The following SYNE2 variants were observed in gnomAD, a reference collection of about 807,000 sequenced individuals.
SYNE2 encodes the protein nesprin-2.
In SYNE2, 431 loss-of-function variants were observed where a neutral mutation model predicts 856.3. The observed-to-expected ratio is 0.50, with a 90% CI of 0.47 to 0.55. The LOEUF (loss-of-function observed/expected upper bound fraction) is 0.55, where lower values mean the gene tolerates loss of function less well. Among genes scored for constraint, SYNE2 ranks in the 20% least tolerant of loss-of-function variants. The pLI, the probability that SYNE2 is intolerant of heterozygous loss-of-function variation, is 0.00. For synonymous variants in SYNE2, 2,923 were observed against 2,872.3 expected (o/e 1.02, Z -0.56); for missense variants, 8,129 against 8,023.2 (o/e 1.01, Z -0.50).
chr14:64,067,488 A>G (rs1303175599), intron 51 of SYNE2, among the ~76,000 whole-genome samples: 2 of 152,180 alleles, frequency 1.3e-5, no homozygotes, highest in African/African-American at 4.8e-5. Flanking sequence ...TGTAGCTTTT[A>G]TCCATTCAAT....
intron 1 of SYNE2, among the ~76,000 whole-genome samples, chr14:63,793,769 C>CCCCA (rs1722499290): frequency 7.1e-6 from 1 of 140,186 alleles, no homozygotes; most frequent in African/African-American, 2.5e-5. Flanking sequence ...AGGCCCCCCC[C>CCCCA]CAACTAAAAA....
In SYNE2 at chr14:64,051,842, A is replaced by G. The variant is rs774344512; in HGVS notation, c.7929A>G (p.Gln2643=). The G allele has an allele frequency of 6.2e-7, 1 of 1,614,128 alleles. No homozygotes were observed. The highest frequency in any genetic ancestry group is 2.2e-5 in the East Asian group (1 of 44,884). The change falls in exon 48 of 116, where the codon CAA becomes CAG. Residue 2643 remains glutamine, a synonymous_variant. Coordinates refer to ENST00000555002, the MANE Select transcript of SYNE2 (RefSeq NM_182914.3). ...NKVQDTEISL[Q]QQQQHLQLRL... ...TACAGGACACTGAGATTTCTCTGCA[A>G]CAGCAGCAGCAACATCTACAGTTAA...
chr14:63,931,983 G>A (rs894981351), intron 2 of SYNE2, among the ~76,000 whole-genome samples: 4 of 152,154 alleles, frequency 2.6e-5, no homozygotes, highest in African/African-American at 7.2e-5. Flanking sequence ...ATTTTTGTAA[G>A]CATTACAGAT....
At chr14:63,950,530 G>C (rs1350036514) in intron 7 of SYNE2, among the ~76,000 whole-genome samples, 1 of 152,056 alleles carries the variant, frequency 6.6e-6, no homozygotes, top group Non-Finnish European at 1.5e-5. Flanking sequence ...ACTCCAGCCT[G>C]GGCAACAAGA....
intron 32 of SYNE2, among the ~76,000 whole-genome samples, chr14:64,015,083 A>G (rs958115439): frequency 2.1e-5 from 3 of 146,322 alleles, no homozygotes; most frequent in African/African-American, 5.1e-5. Flanking sequence ...ATGTATATAT[A>G]TATAACGTGT....
intron 1 of SYNE2, among the ~76,000 whole-genome samples, chr14:63,856,476 G>A (rs1193465059): frequency 6.6e-6 from 1 of 152,320 alleles, no homozygotes; most frequent in African/African-American, 2.4e-5. Flanking sequence ...GTGCTCCTGG[G>A]GGCTGTGGGA....
intron 1 of SYNE2, among the ~76,000 whole-genome samples, chr14:63,764,407 C>G (rs12890867): frequency 1.3e-5 from 2 of 151,982 alleles, no homozygotes; most frequent in Non-Finnish European, 2.9e-5. Context: ...CAATGGCTCA[C>G]GCCTATAATC....
intron 64 of SYNE2, among the ~76,000 whole-genome samples, chr14:64,106,980 T>C (rs1303844369): frequency 6.6e-6 from 1 of 152,214 alleles, no homozygotes; most frequent in Non-Finnish European, 1.5e-5. Flanking sequence ...AATTCACCTT[T>C]TCCCCACTCT....
intron 101 of SYNE2, 147 bp from the exon 102 acceptor site, chr14:64,209,279 GCA>G: frequency 7.6e-7 from 1 of 1,324,096 alleles, no homozygotes; most frequent in Non-Finnish European, 1.1e-6. Flanking sequence ...GGCAGGAGGA[GCA>G]CAGACAAGAA....
intron 54 of SYNE2, among the ~76,000 whole-genome samples, chr14:64,076,357 TATA>T (rs1441061596): frequency 6.6e-6 from 1 of 152,208 alleles, no homozygotes; most frequent in African/African-American, 2.4e-5. Flanking sequence ...AATACAGTTA[TATA>T]ATATTTTTTA....
intron 1 of SYNE2, among the ~76,000 whole-genome samples, chr14:63,875,341 A>C (rs2094690613): frequency 1.3e-5 from 2 of 152,218 alleles, no homozygotes; most frequent in Admixed American, 1.3e-4. Flanking sequence ...AGCTAACAGA[A>C]TGGCCCTTCC....
chr14:63,960,618 T>C (rs2096298363), intron 8 of SYNE2: 1 of 591,950 alleles, frequency 1.7e-6, no homozygotes, highest in Non-Finnish European at 3.1e-6. Context: ...GTTTTTTTTT[T>C]TCCAATAATC....
rs190306408 is a variant in SYNE2, at chr14:63,939,138, T to C, written c.80-1476T>C. ...CTGTGCTTATCTCTGCCCATCCAGG[T>C]GAGGAGATGTGGGGAGATGGAAGCT... On this transcript the variant is annotated intron_variant, in intron 2 of 115. Transcript: ENST00000555002. Among the ~76,000 whole-genome samples, 23 of 152,054 alleles carry C rather than the reference T, an allele frequency of 1.5e-4. No homozygotes were observed. The East Asian group carries it at 3.9e-3, about 26-fold the overall frequency.
intron 61 of SYNE2, among the ~76,000 whole-genome samples, chr14:64,096,330 A>G (rs1054955299): frequency 1.3e-5 from 2 of 152,206 alleles, no homozygotes; most frequent in African/African-American, 4.8e-5. Flanking sequence ...CGGTAGTTTT[A>G]CCCACCATTG....
At chr14:64,134,422 C>T (rs1194894968) in intron 78 of SYNE2, among the ~76,000 whole-genome samples, 2 of 152,126 alleles carry the variant, frequency 1.3e-5, no homozygotes. Context: ...TGAGTCGTGG[C>T]TCCATCACTT....
Position 64,002,776 on chromosome 14 carries a change from A to G in SYNE2, c.3843A>G (p.Pro1281=). The G allele has an allele frequency of 6.2e-7, 1 of 1,614,060 alleles. No homozygotes were observed. The highest frequency in any genetic ancestry group is 1.3e-5 in the African/African-American group (1 of 75,052). ...AAATATGTAACCGCTTAGAAGAGCC[A>G]GGCAACTTTGTATTAAAGGAGTTAC... The part of the protein sequence containing the change: ...QIEICNRLEE[P]GNFVLKELHP... The change falls in exon 30 of 116, where the codon CCA becomes CCG. Residue 1281 remains proline (P), a synonymous_variant. Transcript: ENST00000555002.
In SYNE2 at chr14:64,080,649, G is replaced by A; in HGVS notation, c.11346+11G>A. ...TCACAGTTGAATAAGGTATGGCTGT[G>A]ACTCGTAATAGCTTCATATCATGTG... On this transcript the variant is annotated intron_variant, in intron 56 of 115. Transcript: ENST00000555002. The A allele has an allele frequency of 6.2e-7, 1 of 1,613,690 alleles. No individual in the cohort carries two copies. The highest frequency in any genetic ancestry group is 1.7e-5 in the Admixed American group (1 of 60,030).
At chr14:63,842,768 A>C (rs1290560407) in intron 1 of SYNE2, among the ~76,000 whole-genome samples, 1 of 152,108 alleles carries the variant, frequency 6.6e-6, no homozygotes, top group Non-Finnish European at 1.5e-5. Context: ...CTATACATAT[A>C]TGAATTTTGG....
At chr14:63,926,158 T>C (rs370155382) in intron 2 of SYNE2, among the ~76,000 whole-genome samples, 2 of 152,176 alleles carry the variant, frequency 1.3e-5, no homozygotes, top group South Asian at 2.1e-4. Context: ...TTTTAGAACA[T>C]TTTTGTCACC....
Sources: gnomAD v4.1 joint callset for allele counts (sites outside exome capture counted in the v4.1 genomes callset) on GRCh38, gnomAD v4.1.1 for gene constraint, MANE v1.5 for transcripts, NCBI Gene and HGNC (gene_info 2026-07-23, HGNC 2026-07-21) for gene names.